Variants in CRPPA observed in about 807,000 individuals in gnomAD.
CRPPA encodes D-ribitol-5-phosphate cytidylyltransferase.
A neutral mutation model predicts 52.0 loss-of-function variants in CRPPA; 43 were observed. The observed-to-expected ratio is 0.83, with a 90% CI of 0.65 to 1.07. CRPPA has a LOEUF of 1.07. Ranked by LOEUF, CRPPA falls within the 50% of genes least tolerant of loss-of-function variation. The pLI, the probability that CRPPA is intolerant of heterozygous loss-of-function variation, is 0.00. For missense variants in CRPPA, 629 were observed against 551.7 expected (o/e 1.14, Z -1.40); for synonymous variants, 250 against 203.5 (o/e 1.23, Z -1.94).
intron 3 of CRPPA, among the ~76,000 whole-genome samples, chr7:16,332,964 G>T (rs1785589238): frequency 6.6e-6 from 1 of 151,936 alleles, no homozygotes; most frequent in African/African-American, 2.4e-5. Flanking sequence ...ATTATCAAAA[G>T]ACGGTAGGAG....
At chr7:16,235,927 G>A (rs1449422864) in intron 8 of CRPPA, 1 of 151,936 alleles carries the variant, frequency 6.6e-6, no homozygotes, top group South Asian at 2.1e-4. Flanking sequence ...TAAAGCCCTG[G>A]GATCATTCAT....
chr7:16,125,888 TACACACACACAC>T (rs3083131), intron 9 of CRPPA, among the ~76,000 whole-genome samples: 1,620 of 134,208 alleles, frequency 0.012, 30 homozygotes, highest in African/African-American at 0.035. Flanking sequence ...GAAGCTTGCC[TACACACACACAC>T]ACACACACAC....
intron 9 of CRPPA, chr7:16,209,019 G>A: frequency 2.3e-6 from 1 of 438,822 alleles, no homozygotes; most frequent in South Asian, 1.8e-5. Flanking sequence ...AAGTGACACA[G>A]GGCAAGAAGG....
intron 3 of CRPPA, among the ~76,000 whole-genome samples, chr7:16,340,240 T>C (rs1047100630): frequency 6.6e-6 from 1 of 152,050 alleles, no homozygotes; most frequent in African/African-American, 2.4e-5. Flanking sequence ...ATGAAAAAAT[T>C]GGTACACTAT....
At chr7:16,285,059 T>C (rs1784395732) in intron 5 of CRPPA, among the ~76,000 whole-genome samples, 1 of 152,186 alleles carries the variant, frequency 6.6e-6, no homozygotes, top group Admixed American at 6.6e-5. Flanking sequence ...TGATTAATAC[T>C]GATAATTTTC....
chr7:16,280,630 AT>A, intron 5 of CRPPA, among the ~76,000 whole-genome samples: 1 of 152,336 alleles, frequency 6.6e-6, no homozygotes, highest in South Asian at 2.1e-4. Context: ...ATCCCTCTTT[AT>A]AAAATTCTAA....
At chr7:16,345,073 G>T (rs1785977559) in intron 3 of CRPPA, among the ~76,000 whole-genome samples, 1 of 152,102 alleles carries the variant, frequency 6.6e-6, no homozygotes, top group Non-Finnish European at 1.5e-5. Context: ...ACCATCAAAA[G>T]CCAAAGGAAT....
intron 1 of CRPPA, among the ~76,000 whole-genome samples, chr7:16,408,074 C>G (rs1787995392): frequency 6.7e-6 from 1 of 149,682 alleles, no homozygotes; most frequent in African/African-American, 2.5e-5. Flanking sequence ...TGCCACTGTA[C>G]TCTAGCCTGG....
At chr7:16,216,988 G>A (rs1376710919) in intron 8 of CRPPA, among the ~76,000 whole-genome samples, 1 of 152,114 alleles carries the variant, frequency 6.6e-6, no homozygotes, top group African/African-American at 2.4e-5. Context: ...TCTGGGGGCA[G>A]GGCACAGACA....
At chr7:16,362,137 A>T (rs1786467180) in intron 3 of CRPPA, among the ~76,000 whole-genome samples, 1 of 152,206 alleles carries the variant, frequency 6.6e-6, no homozygotes, top group Non-Finnish European at 1.5e-5. Context: ...TACAGGCGTG[A>T]GCCACCGCGC....
chr7:16,338,225 AG>A (rs200191341), intron 3 of CRPPA, among the ~76,000 whole-genome samples: 1,583 of 152,336 alleles, frequency 0.01, 37 homozygotes, highest in African/African-American at 0.036. Context: ...CTGGGATGCA[AG>A]GATAGTTCAA....
chr7:16,254,905 A>T (rs1250796334), intron 8 of CRPPA, among the ~76,000 whole-genome samples: 1 of 152,028 alleles, frequency 6.6e-6, no homozygotes, highest in Non-Finnish European at 1.5e-5. Context: ...CCCTCTCACC[A>T]CTCCTATTCA....
intron 9 of CRPPA, among the ~76,000 whole-genome samples, chr7:16,109,304 C>T (rs1782214392): frequency 1.3e-5 from 2 of 151,484 alleles, no homozygotes; most frequent in Admixed American, 6.6e-5. Flanking sequence ...AATTGAGTAA[C>T]CCAGAATAAA....
chr7:16,104,404 GA>G lies in CRPPA; in HGVS notation c.1252-12606del, dbSNP rs370776576. On this transcript the variant is annotated intron_variant, in intron 9 of 9. Coordinates refer to ENST00000407010, the MANE Select transcript of CRPPA (RefSeq NM_001101426.4). Reference sequence around the variant, plus strand: ...TATAGATGAAGTCATTCTCCAGGTGGAAAGAACTTTTAAGAATCATTACAAT... The same window carrying G: ...TATAGATGAAGTCATTCTCCAGGTGGAAGAACTTTTAAGAATCATTACAAT... 5.4e-4 allele frequency among the ~76,000 whole-genome samples: 82 copies of G among 152,270 alleles called. No individual in the cohort carries two copies. The South Asian group carries it at 0.016, about 30-fold the overall frequency.
At chr7:16,306,488 A>T (rs1043394057) in intron 4 of CRPPA, among the ~76,000 whole-genome samples, 2 of 152,236 alleles carry the variant, frequency 1.3e-5, no homozygotes. Flanking sequence ...TGTAACATTC[A>T]GAGAGTAATG....
At chr7:16,398,014 G>GACACATGATCA (rs1336572546) in intron 2 of CRPPA, among the ~76,000 whole-genome samples, 28 of 152,322 alleles carry the variant, frequency 1.8e-4, no homozygotes, top group African/African-American at 6.5e-4. Flanking sequence ...TGATGTGATT[G>GACACATGATCA]ACACATGATC....
At chr7:16,201,892 T>C (rs905317373) in intron 9 of CRPPA, among the ~76,000 whole-genome samples, 42 of 152,324 alleles carry the variant, frequency 2.8e-4, no homozygotes, top group African/African-American at 9.1e-4. Context: ...ACTGTGCTAG[T>C]TAAAGCACCC....
chr7:16,330,632 G>A (rs1005562731), intron 3 of CRPPA, among the ~76,000 whole-genome samples: 2 of 152,248 alleles, frequency 1.3e-5, no homozygotes, highest in African/African-American at 4.8e-5. Context: ...TCACAGAGGA[G>A]GGCTCCCATG....
At chr7:16,311,958 T>G (rs1326333360) in intron 3 of CRPPA, among the ~76,000 whole-genome samples, 1 of 152,082 alleles carries the variant, frequency 6.6e-6, no homozygotes, top group Non-Finnish European at 1.5e-5. Flanking sequence ...CTGGGGTCTT[T>G]ATTTCATTCC....
Sources: gnomAD v4.1 joint callset for allele counts (sites outside exome capture counted in the v4.1 genomes callset) on GRCh38, gnomAD v4.1.1 for gene constraint, MANE v1.5 for transcripts, NCBI Gene and HGNC (gene_info 2026-07-23, HGNC 2026-07-21) for gene names.